The following KLHL1 variants were observed in gnomAD, a reference collection of about 807,000 sequenced individuals.
KLHL1 encodes kelch-like protein 1.
In KLHL1, 47 loss-of-function variants were observed where a neutral mutation model predicts 77.7. The observed-to-expected ratio is 0.60, with a 90% CI of 0.48 to 0.77. The LOEUF is 0.77. KLHL1 is among the 30% of genes least tolerant of loss of function. The pLI, the probability that KLHL1 is intolerant of heterozygous loss-of-function variation, is 0.00. For synonymous variants in KLHL1, 360 were observed against 325.2 expected (o/e 1.11, Z -1.15); for missense variants, 925 against 910.8 (o/e 1.02, Z -0.20).
intron 5 of KLHL1, among the ~76,000 whole-genome samples, chr13:69,879,267 T>C (rs1282368276): frequency 6.6e-6 from 1 of 152,168 alleles, no homozygotes; most frequent in African/African-American, 2.4e-5. Flanking sequence ...CTTTGATTCA[T>C]GGTACTTTTA....
chr13:69,722,414 T>C (rs1303973780), intron 8 of KLHL1, among the ~76,000 whole-genome samples: 2 of 151,832 alleles, frequency 1.3e-5, no homozygotes, highest in African/African-American at 4.8e-5. Flanking sequence ...CATGAAGAAA[T>C]ATGAAATCTG....
At position 69,813,503 on chromosome 13, in the gene KLHL1, C is replaced by CATAT. The variant is rs1555270606; in HGVS notation, c.1415-16545_1415-16542dup. 6.0e-3 allele frequency among the ~76,000 whole-genome samples: 895 copies of CATAT among 148,884 alleles called. 7 individuals carry two copies. The highest frequency in any genetic ancestry group is 0.021 in the African/African-American group (849 of 40,208). ...ACATACACACACACACACACACACA[C>CATAT]ATATATATATATATAAAGACCCTAG... is the stretch of plus-strand genomic sequence containing the variant. On this transcript the variant is annotated intron_variant, in intron 6 of 10. Transcript: ENST00000377844.
At chr13:69,778,558 A>C (rs753516785) in intron 7 of KLHL1, among the ~76,000 whole-genome samples, 2 of 152,166 alleles carry the variant, frequency 1.3e-5, no homozygotes, top group Admixed American at 1.3e-4. Flanking sequence ...TGTACAAGAG[A>C]TATCTATGGA....
intron 3 of KLHL1, among the ~76,000 whole-genome samples, chr13:69,952,916 T>C (rs1368247484): frequency 1.3e-5 from 2 of 151,330 alleles, no homozygotes; most frequent in Non-Finnish European, 3.0e-5. Flanking sequence ...ATATCATCTC[T>C]ACCAAATTTT....
chr13:69,994,422 C>G (rs936507481), intron 1 of KLHL1, among the ~76,000 whole-genome samples: 3 of 152,070 alleles, frequency 2.0e-5, no homozygotes, highest in Non-Finnish European at 4.4e-5. Context: ...AAACCCTCAC[C>G]AGGATTTTAC....
chr13:70,012,127 C>G (rs746604801), intron 1 of KLHL1, among the ~76,000 whole-genome samples: 1 of 152,094 alleles, frequency 6.6e-6, no homozygotes, highest in Non-Finnish European at 1.5e-5. Flanking sequence ...TCCCACAACA[C>G]GTAGAAATTA....
intron 3 of KLHL1, among the ~76,000 whole-genome samples, chr13:69,949,156 CATT>C (rs1361739990): frequency 1.3e-5 from 2 of 151,740 alleles, no homozygotes; most frequent in African/African-American, 2.4e-5. Context: ...AATATTGTTA[CATT>C]ATTATTAACT....
At chr13:70,033,030 A>C (rs1566517036) in intron 1 of KLHL1, among the ~76,000 whole-genome samples, 1 of 152,090 alleles carries the variant, frequency 6.6e-6, no homozygotes, top group East Asian at 1.9e-4. Flanking sequence ...CTGTAAATAC[A>C]TTTTTTCAAG....
chr13:69,988,428 C>A (rs919501505), intron 1 of KLHL1, among the ~76,000 whole-genome samples: 1 of 151,962 alleles, frequency 6.6e-6, no homozygotes, highest in Non-Finnish European at 1.5e-5. Flanking sequence ...TAAACATATG[C>A]ATACATGTGT....
intron 5 of KLHL1, among the ~76,000 whole-genome samples, chr13:69,871,698 C>A (rs956037267): frequency 6.6e-6 from 1 of 151,928 alleles, no homozygotes; most frequent in Non-Finnish European, 1.5e-5. Flanking sequence ...TTCCAGAAAA[C>A]CCCAGAACAT....
intron 8 of KLHL1, among the ~76,000 whole-genome samples, chr13:69,722,762 G>C (rs1446705061): frequency 6.6e-6 from 1 of 151,866 alleles, no homozygotes; most frequent in Non-Finnish European, 1.5e-5. Flanking sequence ...TTTGAGGGTA[G>C]TCCCTCAAAA....
chr13:70,067,759 T>A (rs187722048), intron 1 of KLHL1, among the ~76,000 whole-genome samples: 5 of 152,288 alleles, frequency 3.3e-5, no homozygotes, highest in Non-Finnish European at 7.3e-5. Context: ...AATCCAGAAC[T>A]GATAATGAGA....
intron 1 of KLHL1, among the ~76,000 whole-genome samples, chr13:70,004,489 A>G (rs2501245): frequency 6.7e-6 from 1 of 149,592 alleles, no homozygotes; most frequent in East Asian, 2.0e-4. Flanking sequence ...TAATTGGAAG[A>G]TACCACAATT....
chr13:69,973,377 G>T (rs1391354587), intron 2 of KLHL1, among the ~76,000 whole-genome samples: 2 of 151,634 alleles, frequency 1.3e-5, no homozygotes, highest in Admixed American at 6.6e-5. Context: ...ATATAATTAT[G>T]AATGAATACT....
At chr13:69,790,482 G>A (rs1031255858) in intron 7 of KLHL1, among the ~76,000 whole-genome samples, 7 of 152,158 alleles carry the variant, frequency 4.6e-5, no homozygotes, top group African/African-American at 1.7e-4. Flanking sequence ...AAACCAGACA[G>A]AGACATGATA....
chr13:70,075,569 G>GTGTGTATATATATATATATATATA, intron 1 of KLHL1, among the ~76,000 whole-genome samples: 1 of 106,664 alleles, frequency 9.4e-6, no homozygotes, highest in East Asian at 2.5e-4. Flanking sequence ...GTGTGTATGT[G>GTGTGTATATATATATATATATATA]TATATATATA....
At chr13:69,999,560 G>C (rs1025332328) in intron 1 of KLHL1, among the ~76,000 whole-genome samples, 1 of 149,222 alleles carries the variant, frequency 6.7e-6, no homozygotes, top group African/African-American at 2.5e-5. Flanking sequence ...AGGTAAGTAA[G>C]AGATTGGGAT....
Position 69,701,074 on chromosome 13 carries a change from A to G in KLHL1, c.*628T>C, listed in dbSNP as rs1875369858. 1 of 152,358 alleles carries G rather than the reference A, an allele frequency of 6.6e-6. No homozygotes were observed. Among genetic ancestry groups the G allele is most frequent in the Non-Finnish European group, 1.5e-5 (1 of 67,862 alleles). The allele number at this position is 152,358 out of a possible 1,614,324, so 9.4% of individuals were successfully genotyped here. A position where few individuals can be genotyped will look rare whatever the true frequency, so the allele number is the denominator to read the frequency against. On this transcript the variant is annotated 3_prime_UTR_variant, in exon 11 of 11. Transcript: ENST00000377844. The stretch of plus-strand genomic sequence containing the variant: ...AATATGGTTGCAATAAAATTCAACC[A>G]TTATCTCTGATGAGATATGCAGCTT...
At chr13:70,001,903 G>A (rs907494018) in intron 1 of KLHL1, among the ~76,000 whole-genome samples, 3 of 151,558 alleles carry the variant, frequency 2.0e-5, no homozygotes, top group Non-Finnish European at 4.4e-5. Context: ...TACAGCTAAA[G>A]TTAGCAACAA....
Sources: allele counts gnomAD v4.1 joint callset (sites outside exome capture counted in the v4.1 genomes callset), GRCh38; gene constraint gnomAD v4.1.1; transcripts MANE v1.5; gene names NCBI Gene and HGNC (gene_info 2026-07-23, HGNC 2026-07-21).